Variants in SASH1 observed in about 807,000 individuals in gnomAD.
SASH1 encodes the protein SAM and SH3 domain-containing protein 1.
Under a neutral mutation model 125.2 loss-of-function variants are expected in SASH1, and 44 were observed. That is an observed-to-expected ratio of 0.35 (90% CI 0.28 to 0.45). The LOEUF is 0.45. Ranked by LOEUF, SASH1 falls within the 20% of genes least tolerant of loss-of-function variation. SASH1 has a pLI of 1.00. For synonymous variants in SASH1, 639 were observed against 649.1 expected, an observed-to-expected ratio of 0.98 and a Z score of 0.24; for missense variants, 1,426 against 1,614.5, an observed-to-expected ratio of 0.88 and a Z score of 2.00.
chr6:148,351,369 T>C (rs1290720089), intron 1 of SASH1, among the ~76,000 whole-genome samples: 2 of 152,122 alleles, frequency 1.3e-5, no homozygotes, highest in Non-Finnish European at 2.9e-5. Flanking sequence ...CAGAGATACA[T>C]TGCAGTTCTC....
intron 1 of SASH1, among the ~76,000 whole-genome samples, chr6:148,282,186 C>A (rs747045669): frequency 1.3e-5 from 2 of 152,136 alleles, no homozygotes; most frequent in African/African-American, 4.8e-5. Context: ...GTGGCTGAGC[C>A]GGGCAGGAAA....
intron 4 of SASH1, among the ~76,000 whole-genome samples, chr6:148,452,195 A>G (rs1473328025): frequency 6.6e-6 from 1 of 152,206 alleles, no homozygotes. Context: ...TCAGAAAATA[A>G]ATGGACTGGC....
chr6:148,195,444 G>A, the SASH1 span, among the ~76,000 whole-genome samples: 3 of 152,214 alleles, frequency 2.0e-5, no homozygotes, highest in African/African-American at 7.2e-5. Context: ...TGCTCAAGGA[G>A]TTTTCCAAAT....
chr6:148,470,923 G>T (rs142796703), intron 5 of SASH1, among the ~76,000 whole-genome samples: 58 of 152,192 alleles, frequency 3.8e-4, no homozygotes, highest in African/African-American at 1.3e-3. Context: ...GTGGGCCCAG[G>T]ACATACCAAC....
At chr6:148,218,258 C>A in the SASH1 span, among the ~76,000 whole-genome samples, 1 of 151,968 alleles carries the variant, frequency 6.6e-6, no homozygotes, top group Non-Finnish European at 1.5e-5. Context: ...AGCTGCCAAG[C>A]AACCATGGAA....
chr6:148,274,480 CT>C (rs760130314), intron 1 of SASH1, among the ~76,000 whole-genome samples: 3 of 152,206 alleles, frequency 2.0e-5, no homozygotes, highest in Non-Finnish European at 2.9e-5. Context: ...GGACTATGCC[CT>C]CTTAATCCCA....
chr6:148,268,917 G>T (rs1241489513), upstream of SASH1, among the ~76,000 whole-genome samples: 1 of 152,176 alleles, frequency 6.6e-6, no homozygotes, highest in Admixed American at 6.5e-5. Flanking sequence ...AGGCATTGGG[G>T]AATAACAATG....
At chr6:148,402,753 C>T (rs574599506) in intron 2 of SASH1, among the ~76,000 whole-genome samples, 9 of 152,012 alleles carry the variant, frequency 5.9e-5, no homozygotes, top group Non-Finnish European at 8.8e-5. Context: ...GGACTACAGG[C>T]GCCCGCCACC....
In SASH1 at chr6:148,548,527, T is replaced by G; in HGVS notation, c.3713T>G (p.Phe1238Cys). 6.2e-7 allele frequency: 1 copy of G among 1,611,596 alleles called. No individual in the cohort carries two copies. The highest frequency in any genetic ancestry group is 8.5e-7 in the Non-Finnish European group (1 of 1,178,792). The change falls in exon 20 of 20, where the codon TTC becomes TGC. Residue 1238 changes from phenylalanine (F) to cysteine (C), a missense_variant. Physicochemically the swap from Phe to Cys is radical, Grantham distance 205 (BLOSUM62 -2). This residue lies in a region of SASH1 where 634 missense variants were observed against 694.4 expected (regional missense o/e 0.91). Coordinates refer to ENST00000367467, the MANE Select transcript of SASH1 (RefSeq NM_015278.5). ...IRKLLSAARL[F>C]KLPPGPEAM is the part of the protein sequence containing the mutation. ...AAGCTCCTATCTGCAGCCAGACTCT[T>G]CAAACTGCCGCCAGGCCCTGAGGCC...
chr6:148,467,754 T>C (rs1777914164), intron 4 of SASH1, among the ~76,000 whole-genome samples: 1 of 152,102 alleles, frequency 6.6e-6, no homozygotes, highest in African/African-American at 2.4e-5. Context: ...CTGGCCAACA[T>C]GGTGAAACCC....
At chr6:148,521,197 G>C (rs1450067408) in intron 10 of SASH1, among the ~76,000 whole-genome samples, 1 of 152,190 alleles carries the variant, frequency 6.6e-6, no homozygotes. Flanking sequence ...TTGCACAGTG[G>C]CACATATAAA....
chr6:148,410,492 A>C (rs776090841), intron 2 of SASH1, among the ~76,000 whole-genome samples: 1 of 152,154 alleles, frequency 6.6e-6, no homozygotes, highest in African/African-American at 2.4e-5. Context: ...GATACATTTA[A>C]TGGTTGCATA....
At chr6:148,267,721 A>G (rs1480671532), upstream of SASH1, among the ~76,000 whole-genome samples, 1 of 152,084 alleles carries the variant, frequency 6.6e-6, no homozygotes, top group African/African-American at 2.4e-5. Context: ...TCCAATATCC[A>G]TCCAACATTA....
the SASH1 span, among the ~76,000 whole-genome samples, chr6:148,208,222 A>T: frequency 6.6e-6 from 1 of 152,218 alleles, no homozygotes; most frequent in South Asian, 2.1e-4. Flanking sequence ...TTCTCTAGCC[A>T]CTTAATGATT....
At chr6:148,350,007 G>T (rs529220885) in intron 1 of SASH1, among the ~76,000 whole-genome samples, 1 of 151,882 alleles carries the variant, frequency 6.6e-6, no homozygotes, top group South Asian at 2.1e-4. Context: ...CACCACGCCC[G>T]GCTAATTTTT....
chr6:148,391,280 T>A (rs1311077288), intron 2 of SASH1, among the ~76,000 whole-genome samples: 1 of 152,154 alleles, frequency 6.6e-6, no homozygotes, highest in African/African-American at 2.4e-5. Context: ...CAGCTAATTT[T>A]GTATTTTTAG....
intron 8 of SASH1, among the ~76,000 whole-genome samples, chr6:148,504,999 A>C (rs1779722449): frequency 6.6e-6 from 1 of 152,138 alleles, no homozygotes; most frequent in South Asian, 2.1e-4. Flanking sequence ...ACCCTCCCCA[A>C]AGTATCTGGA....
chr6:148,469,092 C>A (rs374757465), intron 5 of SASH1: 2 of 152,464 alleles, frequency 1.3e-5, no homozygotes, highest in African/African-American at 4.8e-5. Context: ...AAAATTCACT[C>A]TTGGTTTAGT....
chr6:148,199,841 A>G, the SASH1 span, among the ~76,000 whole-genome samples: 952 of 152,034 alleles, frequency 6.3e-3, 10 homozygotes, highest in African/African-American at 0.022. Context: ...GAAAGAAAAG[A>G]AAAGGAAAGG....
Sources: allele counts gnomAD v4.1 joint callset (sites outside exome capture counted in the v4.1 genomes callset), GRCh38; gene constraint gnomAD v4.1.1; regional missense constraint gnomAD v4.1.1; transcripts MANE v1.5; gene names NCBI Gene and HGNC (gene_info 2026-07-23, HGNC 2026-07-21).